ARL15: variants seen among roughly 807,000 people sequenced by gnomAD.
ARL15 encodes the protein ARF like GTPase 15, also known as ADP-ribosylation factor-like protein 15.
A neutral mutation model predicts 25.2 loss-of-function variants in ARL15; 19 were observed. That is an observed-to-expected ratio of 0.75 (90% CI 0.53 to 1.10). ARL15 has a LOEUF of 1.10. Ranked by LOEUF, ARL15 falls within the 50% of genes least tolerant of loss-of-function variation. The pLI, the probability that ARL15 is intolerant of heterozygous loss-of-function variation, is 0.00. For synonymous variants in ARL15, 94 were observed against 86.8 expected (o/e 1.08, Z -0.46); for missense variants, 220 against 246.0 (o/e 0.89, Z 0.71).
intron 1 of ARL15, among the ~76,000 whole-genome samples, chr5:54,226,442 C>T (rs946179786): frequency 6.6e-6 from 1 of 152,102 alleles, no homozygotes; most frequent in Admixed American, 6.5e-5. Context: ...TGCAGAAATT[C>T]CTGGAATCGA....
Position 54,209,333 on chromosome 5 carries a change from A to AAG in ARL15, c.49-37407_49-37406dup, listed in dbSNP as rs71600812. Among the ~76,000 whole-genome samples, 395 of 148,654 alleles carry AAG rather than the reference A, an allele frequency of 2.7e-3. 7 individuals carry two copies. The East Asian group carries it at 0.045, about 17-fold the overall frequency. On this transcript the variant is annotated intron_variant, in intron 1 of 4. Coordinates refer to ENST00000504924, the MANE Select transcript of ARL15 (RefSeq NM_019087.3). Reference sequence around the variant, plus strand: ...TGATGGTGGTAAATATAAAAAGAGAAAGAGAGAGAGAGAGAGAGAGAGGCT... The same window carrying AAG: ...TGATGGTGGTAAATATAAAAAGAGAAAGAGAGAGAGAGAGAGAGAGAGAGGCT...
At position 54,003,708 on chromosome 5, in the gene ARL15, CTATCTA is replaced by C. The variant is rs1561184716; in HGVS notation, c.462+109488_462+109493del. Among the ~76,000 whole-genome samples, 228 of 136,452 alleles carry C rather than the reference CTATCTA, an allele frequency of 1.7e-3. 1 individual carries two copies. Among genetic ancestry groups the C allele is most frequent in the African/African-American group, 6.0e-3 (225 of 37,474 alleles). The allele number at this position is 136,452 out of a possible 152,430, so 89.5% of individuals were successfully genotyped here. On this transcript the variant is annotated intron_variant, in intron 4 of 4. Coordinates refer to ENST00000504924, the MANE Select transcript of ARL15 (RefSeq NM_019087.3). ...TCTATCTATCTATCTATCTATCTATCTATCTATCTCTACTTTGGCCTGGAATTAAAC... is the reference window on the plus strand; with the variant it reads ...TCTATCTATCTATCTATCTATCTATCTCTCTACTTTGGCCTGGAATTAAAC...
chr5:54,289,389 A>G (rs1465435091), intron 1 of ARL15, among the ~76,000 whole-genome samples: 1 of 151,880 alleles, frequency 6.6e-6, no homozygotes, highest in East Asian at 1.9e-4. Context: ...GAGAATGTGC[A>G]GGAGAGGGTG....
At chr5:54,224,013 CACAA>C (rs1389874722) in intron 1 of ARL15, among the ~76,000 whole-genome samples, 2 of 152,128 alleles carry the variant, frequency 1.3e-5, no homozygotes, top group Admixed American at 1.3e-4. Flanking sequence ...GGGCATCATC[CACAA>C]ACAGACATGC....
chr5:54,151,443 A>T (rs1754067545), intron 3 of ARL15, among the ~76,000 whole-genome samples: 1 of 152,008 alleles, frequency 6.6e-6, no homozygotes, highest in African/African-American at 2.4e-5. Flanking sequence ...TTCCCTGAAG[A>T]TGAGGGCTGT....
chr5:54,108,767 G>GA (rs1752657582), intron 4 of ARL15, among the ~76,000 whole-genome samples: 1 of 151,630 alleles, frequency 6.6e-6, no homozygotes. Context: ...TTGTAGAAAG[G>GA]AAAAAAAGTA....
At chr5:54,232,299 G>C (rs75502637) in intron 1 of ARL15, among the ~76,000 whole-genome samples, 1 of 152,046 alleles carries the variant, frequency 6.6e-6, no homozygotes, top group African/African-American at 2.4e-5. Context: ...GTCTGTTCAC[G>C]GCTGCAACCC....
Position 54,138,754 on chromosome 5 carries a change from A to T in ARL15, c.253+15826T>A, listed in dbSNP as rs191830933. ...AAACAGCCCACAGAATGGGAGAAAA[A>T]ATCTGCAAACTATGCATCCAACAAA... On this transcript the variant is annotated intron_variant, in intron 3 of 4. Transcript: ENST00000504924. Among the ~76,000 whole-genome samples, 248 of 152,284 alleles carry T rather than the reference A, an allele frequency of 1.6e-3. 2 individuals carry two copies. The highest frequency in any genetic ancestry group is 8.1e-3 in the Admixed American group (124 of 15,296).
At chr5:54,310,085 C>T (rs1006626253) in intron 1 of ARL15, among the ~76,000 whole-genome samples, 2 of 152,220 alleles carry the variant, frequency 1.3e-5, no homozygotes, top group African/African-American at 4.8e-5. Context: ...CCTGCTCCCC[C>T]GGAAAGAAAG....
chr5:54,310,307 G>C, intron 1 of ARL15, 125 bp downstream of exon 1: 1 of 1,115,966 alleles, frequency 9.0e-7, no homozygotes, highest in Non-Finnish European at 1.3e-6. Context: ...GCCGGCTGCG[G>C]GAGAAAGAAC....
At chr5:54,044,319 C>G (rs1219097252) in intron 4 of ARL15, among the ~76,000 whole-genome samples, 1 of 149,122 alleles carries the variant, frequency 6.7e-6, no homozygotes, top group African/African-American at 2.5e-5. Context: ...TCTTGGCTCA[C>G]TGCAACCTCT....
chr5:54,064,844 A>T (rs1051965033), intron 4 of ARL15, among the ~76,000 whole-genome samples: 1 of 152,204 alleles, frequency 6.6e-6, no homozygotes. Flanking sequence ...ATAAAAAAAT[A>T]CAGTATTAGT....
At chr5:54,192,120 A>G (rs374108768) in intron 1 of ARL15, among the ~76,000 whole-genome samples, 2 of 152,114 alleles carry the variant, frequency 1.3e-5, no homozygotes, top group African/African-American at 2.4e-5. Context: ...CCCTCTGCTT[A>G]GAAATCTCTT....
At chr5:54,218,661 A>T (rs1287002957) in intron 1 of ARL15, among the ~76,000 whole-genome samples, 1 of 152,144 alleles carries the variant, frequency 6.6e-6, no homozygotes, top group Non-Finnish European at 1.5e-5. Flanking sequence ...GACATCCCAG[A>T]TTTGACAGAA....
intron 1 of ARL15, among the ~76,000 whole-genome samples, chr5:54,194,023 G>A (rs1755481757): frequency 6.6e-6 from 1 of 152,032 alleles, no homozygotes; most frequent in South Asian, 2.1e-4. Flanking sequence ...TTGGATGTGG[G>A]TGTCCCCTGG....
intron 4 of ARL15, among the ~76,000 whole-genome samples, chr5:53,990,646 C>T (rs1020967484): frequency 2.0e-5 from 3 of 152,140 alleles, no homozygotes; most frequent in African/African-American, 7.2e-5. Flanking sequence ...CATGGGAAAG[C>T]ATTTTCTGGA....
intron 3 of ARL15, among the ~76,000 whole-genome samples, chr5:54,148,411 C>G (rs1014924529): frequency 1.3e-5 from 2 of 152,170 alleles, no homozygotes; most frequent in Non-Finnish European, 1.5e-5. Flanking sequence ...AATGGCTTAG[C>G]TGACAATCCA....
intron 3 of ARL15, among the ~76,000 whole-genome samples, chr5:54,137,973 T>A (rs1304784826): frequency 6.6e-6 from 1 of 152,088 alleles, no homozygotes; most frequent in Admixed American, 6.5e-5. Flanking sequence ...AGAGTCAAAG[T>A]ATGCCTTAGA....
chr5:54,120,679 G>C (rs1203657171), intron 3 of ARL15, among the ~76,000 whole-genome samples: 1 of 152,108 alleles, frequency 6.6e-6, no homozygotes, highest in Non-Finnish European at 1.5e-5. Context: ...GCTAATTCTT[G>C]AGCCATTGGC....
Sources: gnomAD v4.1 joint callset for allele counts (sites outside exome capture counted in the v4.1 genomes callset) on GRCh38, gnomAD v4.1.1 for gene constraint, MANE v1.5 for transcripts, NCBI Gene and HGNC (gene_info 2026-07-23, HGNC 2026-07-21) for gene names.